The following RNF216 variants were observed in gnomAD, a reference collection of about 807,000 sequenced individuals.
RNF216 encodes ring finger protein 216, also known as E3 ubiquitin-protein ligase RNF216.
A neutral mutation model predicts 110.8 loss-of-function variants in RNF216; 72 were observed. That is an observed-to-expected ratio of 0.65 (90% confidence interval 0.54 to 0.79). RNF216 has a LOEUF of 0.79. RNF216 is among the 30% of genes least tolerant of loss of function. The pLI is 0.00. For synonymous variants in RNF216, 495 were observed against 407.5 expected (o/e 1.21, Z -2.59); for missense variants, 1,342 against 1,141.2 (o/e 1.18, Z -2.54).
At chr7:5,639,154 T>C (rs961297056) in intron 15 of RNF216, among the ~76,000 whole-genome samples, 1 of 152,204 alleles carries the variant, frequency 6.6e-6, no homozygotes, top group Non-Finnish European at 1.5e-5. Flanking sequence ...TTGCAGCTTC[T>C]GGAAGCCTAA....
At chr7:5,637,595 G>C (rs1440547468) in intron 15 of RNF216, among the ~76,000 whole-genome samples, 1 of 152,150 alleles carries the variant, frequency 6.6e-6, no homozygotes, top group African/African-American at 2.4e-5. Context: ...CACCCAGGCA[G>C]AAGTGTAGTG....
chr7:5,762,353 T>C (rs578147627), intron 1 of RNF216, among the ~76,000 whole-genome samples: 46 of 151,832 alleles, frequency 3.0e-4, no homozygotes, highest in Non-Finnish European at 5.7e-4. Flanking sequence ...TGAAACCCCA[T>C]CTCTATTAAA....
intron 13 of RNF216, among the ~76,000 whole-genome samples, chr7:5,689,948 G>T (rs1480640204): frequency 6.9e-6 from 1 of 144,590 alleles, no homozygotes; most frequent in Admixed American, 6.9e-5. Context: ...AAAAAAAAAA[G>T]AACAGAAAAG....
intron 2 of RNF216, among the ~76,000 whole-genome samples, chr7:5,754,566 G>T (rs1306778158): frequency 6.6e-6 from 1 of 152,044 alleles, no homozygotes; most frequent in Non-Finnish European, 1.5e-5. Context: ...ACTGAGCAAA[G>T]AAAAGCTCTA....
chr7:5,655,146 C>T (rs1383115839), intron 13 of RNF216, among the ~76,000 whole-genome samples: 1 of 152,208 alleles, frequency 6.6e-6, no homozygotes, highest in Non-Finnish European at 1.5e-5. Context: ...AGATGAGGCA[C>T]AGGCCCACCA....
At chr7:5,737,512 GATCA>G (rs1037389914) in intron 5 of RNF216, among the ~76,000 whole-genome samples, 11 of 106,428 alleles carry the variant, frequency 1.0e-4, no homozygotes, top group African/African-American at 4.0e-4. Context: ...AACCAAGAAT[GATCA>G]ATTAAAAATA....
chr7:5,666,441 G>A (rs879341866), intron 13 of RNF216, among the ~76,000 whole-genome samples: 2 of 152,170 alleles, frequency 1.3e-5, no homozygotes, highest in African/African-American at 2.4e-5. Flanking sequence ...CTATCTGGGG[G>A]AAAGAATTCC....
rs3807581 is a variant in RNF216, at chr7:5,669,119, C to G, written c.2062-16609G>C. ...TGGTGGAAACTATCCCACCCAGTCC[C>G]GTGCTATGCAGGATGGGCAGGACTG... is the stretch of plus-strand genomic sequence containing the variant. On this transcript the variant is annotated intron_variant, in intron 13 of 16. Transcript: ENST00000389902. Among the ~76,000 whole-genome samples the G allele has an allele frequency of 1.4e-3, 209 of 152,286 alleles. 4 individuals are homozygous for G. In the East Asian group the frequency reaches 0.037, roughly 27 times the overall value.
Position 5,622,640 on chromosome 7 carries a change from C to A in RNF216, c.*220G>T. 1 of 552,810 alleles carries A rather than the reference C, an allele frequency of 1.8e-6. No individual in the cohort carries two copies. The allele number at this position is 552,810 out of a possible 1,614,324, so 34.2% of individuals were successfully genotyped here. ...GCGAGGGGAGGGGCAGTTCACATCGCAGCTCTCTCCGAACTCCACCATTTG... is the reference window on the plus strand; with the variant it reads ...GCGAGGGGAGGGGCAGTTCACATCGAAGCTCTCTCCGAACTCCACCATTTG... On this transcript the variant is annotated 3_prime_UTR_variant, in exon 17 of 17. Coordinates refer to ENST00000389902, the MANE Select transcript of RNF216 (RefSeq NM_207111.4).
At chr7:5,718,035 T>G (rs1215948312) in intron 9 of RNF216, among the ~76,000 whole-genome samples, 1 of 152,170 alleles carries the variant, frequency 6.6e-6, no homozygotes, top group Admixed American at 6.5e-5. Flanking sequence ...TATTTGCTTT[T>G]CCATAAAATA....
chr7:5,659,307 A>G (rs1310833939), intron 13 of RNF216, among the ~76,000 whole-genome samples: 1 of 152,250 alleles, frequency 6.6e-6, no homozygotes, highest in Non-Finnish European at 1.5e-5. Flanking sequence ...GTTTTACTGA[A>G]AAACACAGAT....
chr7:5,767,210 C>A (rs1273384878), intron 1 of RNF216, among the ~76,000 whole-genome samples: 1 of 152,150 alleles, frequency 6.6e-6, no homozygotes, highest in South Asian at 2.1e-4. Context: ...GGTGAAAAAC[C>A]AGCTGGCAGG....
chr7:5,736,838 G>A lies in RNF216; in HGVS notation c.1121+2438C>T, dbSNP rs2772388. ...CGTCTGAGAAGTGAGGAGCCCCTCC[G>A]CCCCGCAGCCACCCCATCTGAGAAG... On this transcript the variant is annotated intron_variant, in intron 5 of 16. Coordinates refer to ENST00000389902, the MANE Select transcript of RNF216 (RefSeq NM_207111.4). Among the ~76,000 whole-genome samples, 480 of 151,276 alleles carry A rather than the reference G, an allele frequency of 3.2e-3. 2 individuals carry two copies. The highest frequency in any genetic ancestry group is 0.011 in the African/African-American group (457 of 41,056).
intron 8 of RNF216, among the ~76,000 whole-genome samples, chr7:5,724,525 G>A (rs911024572): frequency 3.9e-5 from 6 of 152,194 alleles, no homozygotes; most frequent in African/African-American, 1.4e-4. Flanking sequence ...TCTACATTCT[G>A]CCACAGGCCA....
intron 13 of RNF216, among the ~76,000 whole-genome samples, chr7:5,685,210 G>A (rs1790901008): frequency 1.3e-5 from 2 of 152,194 alleles, no homozygotes; most frequent in African/African-American, 4.8e-5. Flanking sequence ...TGGGCATGGA[G>A]GTAGCTCCCC....
intron 1 of RNF216, among the ~76,000 whole-genome samples, chr7:5,763,981 G>A (rs1231512369): frequency 6.6e-5 from 10 of 152,280 alleles, no homozygotes; most frequent in African/African-American, 2.4e-4. Context: ...TCGAGGTCAG[G>A]AGTTTGAGAC....
intron 10 of RNF216, 152 bp downstream of exon 10, chr7:5,716,564 C>T (rs1334172831): frequency 4.8e-5 from 28 of 582,350 alleles, no homozygotes; most frequent in Admixed American, 6.3e-5. Flanking sequence ...TATACTAGAT[C>T]ACGTATCTGA....
At chr7:5,757,412 T>C (rs201228022) in intron 2 of RNF216, among the ~76,000 whole-genome samples, 1 of 151,280 alleles carries the variant, frequency 6.6e-6, no homozygotes, top group African/African-American at 2.4e-5. Flanking sequence ...TCAGCTCTTT[T>C]TGTGTGTGTG....
Position 5,623,008 on chromosome 7 carries a change from T to C in RNF216, c.2624A>G (p.Asn875Ser), listed in dbSNP as rs1479341951. The C allele has an allele frequency of 1.2e-6, 2 of 1,613,960 alleles. No homozygotes were observed. Reference sequence around the variant, plus strand: ...GATAGGCCCCATGTTGAGTGGGAAGTTGTTGAACACAGGCCGCACGGGAGG... The same window carrying C: ...GATAGGCCCCATGTTGAGTGGGAAGCTGTTGAACACAGGCCGCACGGGAGG... Reference protein sequence around the residue: ...PLPPVRPVFNNFPLNMGPIPA... With the variant: ...PLPPVRPVFNSFPLNMGPIPA... Residue 875 changes from asparagine to serine, a missense_variant, in exon 17 of 17, where the codon AAC (asparagine) becomes AGC (serine). Asn to Ser is a conservative substitution (Grantham distance 46). Transcript: ENST00000389902.
Sources: gnomAD v4.1 joint callset for allele counts (sites outside exome capture counted in the v4.1 genomes callset) on GRCh38, gnomAD v4.1.1 for gene constraint, MANE v1.5 for transcripts, NCBI Gene and HGNC (gene_info 2026-07-23, HGNC 2026-07-21) for gene names.